The following SGCD variants were observed in gnomAD, a reference collection of about 807,000 sequenced individuals.
SGCD encodes delta-sarcoglycan.
In SGCD, 18 loss-of-function variants were observed where a neutral mutation model predicts 36.6. That is an observed-to-expected ratio of 0.49 (90% CI 0.34 to 0.73). The LOEUF is 0.73. Ranked by LOEUF, SGCD falls within the 30% of genes least tolerant of loss-of-function variation. The pLI is 0.01. For synonymous variants in SGCD, 133 were observed against 130.6 expected (o/e 1.02, Z -0.12); for missense variants, 387 against 346.7 (o/e 1.12, Z -0.92).
At chr5:156,402,716 G>T (rs77689332) in intron 3 of SGCD, among the ~76,000 whole-genome samples, 2,076 of 152,178 alleles carry the variant, frequency 0.014, 22 homozygotes, top group Non-Finnish European at 0.023. Context: ...ATAATCAAAG[G>T]GTCAGTCTGA....
rs141168903 is a variant in SGCD, at chr5:155,982,857, C to T, written c.-282+112433C>T. Among the ~76,000 whole-genome samples, 41 of 152,152 alleles carry T rather than the reference C, an allele frequency of 2.7e-4. No individual in the cohort carries two copies. The East Asian group carries it at 5.0e-3, about 19-fold the overall frequency. On this transcript the variant is annotated intron_variant, in intron 1 of 9. Transcript: ENST00000517913. ...AATGCCAGCATTTGAGATTGAGCTC[C>T]GAAACAGAGGATGTGTGGTTTTCTC...
chr5:156,557,686 A>G (rs769245487), intron 4 of SGCD, among the ~76,000 whole-genome samples: 3 of 152,108 alleles, frequency 2.0e-5, no homozygotes, highest in Non-Finnish European at 4.4e-5. Context: ...GCACATGTCC[A>G]TTTGAGATTT....
chr5:155,869,194 C>G (rs532111258), upstream of SGCD, among the ~76,000 whole-genome samples: 2 of 152,060 alleles, frequency 1.3e-5, no homozygotes, highest in African/African-American at 4.8e-5. Flanking sequence ...CTTGTCTTTT[C>G]TTTATTTACT....
At chr5:156,421,521 A>G (rs1322512178) in intron 3 of SGCD, among the ~76,000 whole-genome samples, 2 of 152,108 alleles carry the variant, frequency 1.3e-5, no homozygotes, top group African/African-American at 2.4e-5. Flanking sequence ...TCAGCCACAC[A>G]TGATCTTATG....
At chr5:156,124,447 G>A (rs1477591100) in intron 3 of SGCD, among the ~76,000 whole-genome samples, 1 of 152,084 alleles carries the variant, frequency 6.6e-6, no homozygotes, top group Non-Finnish European at 1.5e-5. Flanking sequence ...ACAAAATTTT[G>A]TTATTCCTTA....
chr5:155,868,853 G>A (rs1476598779), upstream of SGCD, among the ~76,000 whole-genome samples: 2 of 152,156 alleles, frequency 1.3e-5, no homozygotes, highest in Non-Finnish European at 2.9e-5. Flanking sequence ...GATTCAGAGT[G>A]CAGATAGAGG....
chr5:156,068,102 T>A (rs544249445), intron 1 of SGCD, among the ~76,000 whole-genome samples: 4 of 149,522 alleles, frequency 2.7e-5, no homozygotes, highest in East Asian at 1.9e-4. Flanking sequence ...TTTTATATTT[T>A]TATTTTTATT....
intron 1 of SGCD, among the ~76,000 whole-genome samples, chr5:155,888,269 G>T (rs1300261500): frequency 6.6e-6 from 1 of 152,152 alleles, no homozygotes; most frequent in East Asian, 1.9e-4. Context: ...AGTAGTCAGT[G>T]GGTCACAAAC....
chr5:156,130,551 G>A (rs1274258838), intron 3 of SGCD, among the ~76,000 whole-genome samples: 1 of 152,042 alleles, frequency 6.6e-6, no homozygotes, highest in Non-Finnish European at 1.5e-5. Flanking sequence ...TCTTTGTCAT[G>A]AAATCTTTGC....
At chr5:156,397,595 C>T (rs1771929295) in intron 3 of SGCD, among the ~76,000 whole-genome samples, 1 of 152,174 alleles carries the variant, frequency 6.6e-6, no homozygotes, top group Admixed American at 6.5e-5. Flanking sequence ...TGGACGTTCA[C>T]TGTGACCTGT....
intron 4 of SGCD, among the ~76,000 whole-genome samples, chr5:156,522,768 C>G (rs901615634): frequency 6.6e-6 from 1 of 151,684 alleles, no homozygotes; most frequent in Non-Finnish European, 1.5e-5. Flanking sequence ...ATCCCCACCC[C>G]CCGACACACA....
chr5:156,579,749 T>G (rs1760164053), intron 4 of SGCD, among the ~76,000 whole-genome samples: 1 of 152,202 alleles, frequency 6.6e-6, no homozygotes, highest in Non-Finnish European at 1.5e-5. Flanking sequence ...GCTATTTTTT[T>G]GTTTTCCATT....
At chr5:156,061,919 CT>C (rs757769130) in intron 1 of SGCD, among the ~76,000 whole-genome samples, 2,498 of 71,820 alleles carry the variant, frequency 0.035, 85 homozygotes, top group African/African-American at 0.067. Context: ...GGAGTTTTCA[CT>C]TTTTTTTTTT....
chr5:156,573,611 C>G (rs1351791870), intron 4 of SGCD, among the ~76,000 whole-genome samples: 1 of 152,184 alleles, frequency 6.6e-6, no homozygotes, highest in Non-Finnish European at 1.5e-5. Flanking sequence ...CCTTTTTGGT[C>G]AAGGTGCCTT....
intron 1 of SGCD, among the ~76,000 whole-genome samples, chr5:155,912,078 C>T (rs989638937): frequency 6.6e-6 from 1 of 152,018 alleles, no homozygotes; most frequent in African/African-American, 2.4e-5. Flanking sequence ...TCAGTGATGT[C>T]ATTCACTCAT....
chr5:156,172,634 A>T (rs370946823), intron 3 of SGCD, among the ~76,000 whole-genome samples: 27 of 152,288 alleles, frequency 1.8e-4, no homozygotes, highest in Middle Eastern at 6.8e-3. Context: ...TCCTTTTAAG[A>T]CTTAATGGGA....
intron 3 of SGCD, among the ~76,000 whole-genome samples, chr5:156,381,846 A>G (rs1238191371): frequency 6.6e-6 from 1 of 152,158 alleles, no homozygotes; most frequent in Non-Finnish European, 1.5e-5. Context: ...TGAGTAAGTT[A>G]CTGAAACCCT....
chr5:155,769,022 T>G, the SGCD span, among the ~76,000 whole-genome samples: 1 of 152,072 alleles, frequency 6.6e-6, no homozygotes, highest in Non-Finnish European at 1.5e-5. Context: ...TAACCATCAA[T>G]GGAAGATTGA....
intron 3 of SGCD, among the ~76,000 whole-genome samples, chr5:156,127,854 CAAAAAAAAAA>C (rs56822746): frequency 1.6e-4 from 3 of 18,440 alleles, no homozygotes; most frequent in Non-Finnish European, 2.0e-4. Flanking sequence ...AACATAAATG[CAAAAAAAAAA>C]AAAAAAAAAA....
Sources: gnomAD v4.1 joint callset for allele counts (sites outside exome capture counted in the v4.1 genomes callset) on GRCh38, gnomAD v4.1.1 for gene constraint, MANE v1.5 for transcripts, NCBI Gene and HGNC (gene_info 2026-07-23, HGNC 2026-07-21) for gene names.